POU6F2: variants seen among roughly 807,000 people sequenced by gnomAD.
POU6F2 encodes POU class 6 homeobox 2, also known as POU domain, class 6, transcription factor 2.
A neutral mutation model predicts 71.3 loss-of-function variants in POU6F2; 31 were observed. That is an observed-to-expected ratio of 0.43 (90% CI 0.33 to 0.59). The LOEUF (loss-of-function observed/expected upper bound fraction) is 0.59, where lower values mean the gene tolerates loss of function less well. Ranked by LOEUF, POU6F2 falls within the 20% of genes least tolerant of loss-of-function variation. The probability of loss-of-function intolerance (pLI) is 0.04; values close to 1 mark genes in which losing one functional copy is unlikely to be tolerated. For synonymous variants in POU6F2, 347 were observed against 355.7 expected (o/e 0.98, Z 0.27); for missense variants, 783 against 856.8 (o/e 0.91, Z 1.07).
chr7:39,348,727 T>A (rs1786077649), intron 5 of POU6F2, among the ~76,000 whole-genome samples: 1 of 152,246 alleles, frequency 6.6e-6, no homozygotes, highest in South Asian at 2.1e-4. Context: ...TCAAATTTTC[T>A]TCCACAAAAC....
At chr7:39,426,240 T>C (rs978451310) in intron 6 of POU6F2, among the ~76,000 whole-genome samples, 1 of 152,194 alleles carries the variant, frequency 6.6e-6, no homozygotes, top group Admixed American at 6.5e-5. Flanking sequence ...GGACCAGCCA[T>C]TGGCTCAGGC....
At chr7:39,246,905 C>CT (rs398004470) in intron 4 of POU6F2, among the ~76,000 whole-genome samples, 1,128 of 78,050 alleles carry the variant, frequency 0.014, 46 homozygotes, top group South Asian at 0.042. Context: ...TCCAGGGTGG[C>CT]TTTTTTTTTT....
At chr7:39,282,878 A>G (rs759396456) in intron 4 of POU6F2, among the ~76,000 whole-genome samples, 1 of 152,086 alleles carries the variant, frequency 6.6e-6, no homozygotes, top group Non-Finnish European at 1.5e-5. Flanking sequence ...GGTAGTATGA[A>G]CATTTTAATA....
At chr7:39,028,837 A>G (rs577295934) in intron 1 of POU6F2, among the ~76,000 whole-genome samples, 2 of 151,970 alleles carry the variant, frequency 1.3e-5, no homozygotes, top group Non-Finnish European at 2.9e-5. Flanking sequence ...ACAGGGTCTT[A>G]CTCTGCCACC....
chr7:39,157,317 G>A, intron 2 of POU6F2, among the ~76,000 whole-genome samples: 1 of 152,120 alleles, frequency 6.6e-6, no homozygotes, highest in Admixed American at 6.5e-5. Flanking sequence ...CAATTAGGGA[G>A]GTGGTAATGA....
Position 39,408,041 on chromosome 7 carries a change from G to A in POU6F2, c.1113+1301G>A, listed in dbSNP as rs796242722. Among the ~76,000 whole-genome samples, 29 of 152,264 alleles carry A rather than the reference G, an allele frequency of 1.9e-4. 1 individual carries two copies. Among genetic ancestry groups the A allele is most frequent in the African/African-American group, 5.5e-4 (23 of 41,550 alleles). ...CATCAAAGGATCATTTTATGCAGCC[G>A]GCTCTAAATGGAGGCTCTCAAAAGC... On this transcript the variant is annotated intron_variant, in intron 6 of 9. Transcript: ENST00000518318.
At chr7:39,068,447 C>T (rs983437631) in intron 1 of POU6F2, among the ~76,000 whole-genome samples, 1 of 148,992 alleles carries the variant, frequency 6.7e-6, no homozygotes, top group African/African-American at 2.5e-5. Flanking sequence ...ATTCTAAAAA[C>T]ACCAAGAAAG....
chr7:39,283,333 T>C (rs1048606319), intron 4 of POU6F2, among the ~76,000 whole-genome samples: 1 of 152,160 alleles, frequency 6.6e-6, no homozygotes, highest in African/African-American at 2.4e-5. Flanking sequence ...CTAAGTACAT[T>C]CACATTCGTA....
intron 1 of POU6F2, among the ~76,000 whole-genome samples, chr7:39,015,689 T>A (rs1399944583): frequency 6.8e-5 from 1 of 14,690 alleles, no homozygotes; most frequent in Non-Finnish European, 2.0e-4. Context: ...ATGTTATATA[T>A]CTATATATTA....
At chr7:39,112,679 A>T (rs2128725893) in intron 2 of POU6F2, among the ~76,000 whole-genome samples, 1 of 150,174 alleles carries the variant, frequency 6.7e-6, no homozygotes, top group African/African-American at 2.4e-5. Flanking sequence ...ATAGCCCCCC[A>T]ATCAGTGTTT....
At chr7:39,370,301 G>A (rs12672997) in intron 5 of POU6F2, among the ~76,000 whole-genome samples, 28,214 of 152,086 alleles carry the variant, frequency 0.19, 3,139 homozygotes, top group East Asian at 0.59. Flanking sequence ...GTTTCCAGAA[G>A]GCAAGACTAA....
At chr7:39,411,351 C>T (rs562180304) in intron 6 of POU6F2, among the ~76,000 whole-genome samples, 3 of 152,214 alleles carry the variant, frequency 2.0e-5, no homozygotes, top group East Asian at 1.9e-4. Flanking sequence ...TCCTTATTGG[C>T]GTTATTGCAG....
intron 4 of POU6F2, among the ~76,000 whole-genome samples, chr7:39,220,598 C>G (rs900129582): frequency 1.3e-5 from 2 of 152,092 alleles, no homozygotes; most frequent in African/African-American, 2.4e-5. Context: ...AGACTCTGCA[C>G]TCAGGCAAAC....
chr7:38,979,283 C>T (rs1788256168), intron 1 of POU6F2, among the ~76,000 whole-genome samples: 1 of 151,932 alleles, frequency 6.6e-6, no homozygotes, highest in African/African-American at 2.4e-5. Context: ...ATGTTAATAG[C>T]ATGGTGGAAA....
intron 4 of POU6F2, among the ~76,000 whole-genome samples, chr7:39,278,369 T>A (rs1249184357): frequency 6.6e-6 from 1 of 151,742 alleles, no homozygotes; most frequent in Non-Finnish European, 1.5e-5. Context: ...GTGTTGGGGG[T>A]AAGGGGAGTT....
At chr7:39,240,476 GC>G (rs1783702946) in intron 4 of POU6F2, among the ~76,000 whole-genome samples, 1 of 152,070 alleles carries the variant, frequency 6.6e-6, no homozygotes, top group Non-Finnish European at 1.5e-5. Context: ...TTTCTAATAT[GC>G]CTCTCAATTC....
At position 39,063,248 on chromosome 7, in the gene POU6F2, G is replaced by T. The variant is rs530527924; in HGVS notation, c.106-22612G>T. On this transcript the variant is annotated intron_variant, in intron 1 of 9. Coordinates refer to ENST00000518318, the MANE Select transcript of POU6F2 (RefSeq NM_001370959.1). ...GAACTTAACGGATGTGGCAGCTCAT[G>T]CCTGTAATCCCACCACTTGGGAGGC... Among the ~76,000 whole-genome samples the T allele has an allele frequency of 3.1e-3, 467 of 152,242 alleles. 2 individuals are homozygous for T. The highest frequency in any genetic ancestry group is 0.011 in the African/African-American group (446 of 41,536).
intron 4 of POU6F2, among the ~76,000 whole-genome samples, chr7:39,256,425 G>A (rs1317753681): frequency 6.6e-6 from 1 of 152,144 alleles, no homozygotes; most frequent in African/African-American, 2.4e-5. Context: ...AAAGAGGTGA[G>A]CTGGGAAGAT....
intron 2 of POU6F2, among the ~76,000 whole-genome samples, chr7:39,101,806 A>G (rs774509379): frequency 1.8e-4 from 27 of 152,246 alleles, no homozygotes; most frequent in Non-Finnish European, 7.3e-5. Context: ...ATGTATACAT[A>G]TAACAAAACA....
Sources: gnomAD v4.1 joint callset for allele counts (sites outside exome capture counted in the v4.1 genomes callset) on GRCh38, gnomAD v4.1.1 for gene constraint, MANE v1.5 for transcripts, NCBI Gene and HGNC (gene_info 2026-07-23, HGNC 2026-07-21) for gene names.